Variants in MCF2L observed in about 807,000 individuals in gnomAD.
MCF2L encodes MCF.2 cell line derived transforming sequence like.
MCF2L carries 97 observed loss-of-function variants against 153.4 expected under a neutral mutation model. That is an observed-to-expected ratio of 0.63 (90% CI 0.54 to 0.75). The LOEUF (loss-of-function observed/expected upper bound fraction) is 0.75. MCF2L is among the 30% of genes least tolerant of loss of function. The pLI, the probability that MCF2L is intolerant of heterozygous loss-of-function variation, is 0.00. For missense variants in MCF2L, 1,347 were observed against 1,495.2 expected, an observed-to-expected ratio of 0.90 and a Z score of 1.64; for synonymous variants, 659 against 632.2, an observed-to-expected ratio of 1.04 and a Z score of -0.64.
chr13:112,984,427 G>T (rs1045459747), intron 1 of MCF2L, among the ~76,000 whole-genome samples: 1 of 152,094 alleles, frequency 6.6e-6, no homozygotes, highest in South Asian at 2.1e-4. Context: ...TAGTAGAGAT[G>T]GAGTTTCGCC....
chr13:113,057,750 G>A (rs1207807829), intron 4 of MCF2L, among the ~76,000 whole-genome samples: 2 of 143,994 alleles, frequency 1.4e-5, no homozygotes, highest in East Asian at 4.2e-4. Context: ...GTGCTGAGTG[G>A]GCACTGAGTG....
intron 3 of MCF2L, among the ~76,000 whole-genome samples, chr13:113,030,068 T>C (rs1329609238): frequency 6.6e-6 from 1 of 152,226 alleles, no homozygotes; most frequent in Non-Finnish European, 1.5e-5. Context: ...ACTATACTCA[T>C]CATTTTTGGA....
chr13:112,983,929 G>C lies in MCF2L; in HGVS notation c.79+14471G>C, dbSNP rs987726636. On this transcript the variant is annotated intron_variant, in intron 1 of 29. Coordinates refer to ENST00000535094, the MANE Select transcript of MCF2L (RefSeq NM_001112732.3). The surrounding 1 kb of genome is among the most constrained non-coding windows in gnomAD (Gnocchi z 4.0). ...GTGGACTTCCACTCACATGGAGGAG[G>C]AGCCTCCTCTGCCCGGAGGAGACGG... Among the ~76,000 whole-genome samples, 3 of 152,354 alleles carry C rather than the reference G, an allele frequency of 2.0e-5. No homozygotes were observed. The highest frequency in any genetic ancestry group is 1.5e-5 in the Non-Finnish European group (1 of 68,042).
Position 113,051,097 on chromosome 13 carries a change from C to CT in MCF2L, c.369+5737dup, listed in dbSNP as rs763473380. Among the ~76,000 whole-genome samples the CT allele has an allele frequency of 6.7e-4, 102 of 152,340 alleles. 1 individual carries two copies. The highest frequency in any genetic ancestry group is 2.0e-3 in the African/African-American group (84 of 41,578). On this transcript the variant is annotated intron_variant, in intron 4 of 29. Coordinates refer to ENST00000535094, the MANE Select transcript of MCF2L (RefSeq NM_001112732.3). ...CACCGCTGCTGTGTGCAGCAAGCAC[C>CT]TGCCCAGGTGAGCACAGTCCCCCCG...
chr13:112,933,487 C>T (rs55813133), intron 2 of MCF2L, among the ~76,000 whole-genome samples: 26,754 of 152,222 alleles, frequency 0.18, 2,375 homozygotes, highest in South Asian at 0.23. Context: ...GTGCTGGGAC[C>T]GTGCGCTGAT....
chr13:113,074,488 C>T lies in MCF2L; in HGVS notation c.1041C>T (p.Phe347=), dbSNP rs1242741135. Residue 347 remains phenylalanine, a synonymous_variant, in exon 10 of 30, where the codon TTC becomes TTT. Coordinates refer to ENST00000535094, the MANE Select transcript of MCF2L (RefSeq NM_001112732.3). The surrounding 1 kb of genome is among the most constrained non-coding windows in gnomAD (Gnocchi z 4.2). ...CAGCGTCCCAGAAGATAGCAACCTT[C>T]ACAGACATCGGCAACAGCCTGGCGC... ...LDAASQKIAT[F]TDIGNSLAHV... 7.8e-5 allele frequency: 126 copies of T among 1,614,124 alleles called. No individual in the cohort carries two copies. Among genetic ancestry groups the T allele is most frequent in the Non-Finnish European group, 1.1e-4 (124 of 1,180,022 alleles).
At chr13:112,944,427 A>G (rs1325545071) in intron 2 of MCF2L, among the ~76,000 whole-genome samples, 3 of 151,660 alleles carry the variant, frequency 2.0e-5, no homozygotes, top group African/African-American at 7.3e-5. Flanking sequence ...CTGGGTGAAC[A>G]CCTGGGTCTC....
chr13:113,005,368 G>C (rs2083618549), intron 1 of MCF2L, among the ~76,000 whole-genome samples: 1 of 152,210 alleles, frequency 6.6e-6, no homozygotes, highest in Admixed American at 6.5e-5. Flanking sequence ...GGAGATGCTG[G>C]CCGGAGGACA....
upstream of MCF2L, chr13:112,969,146 G>GCCGCTT: frequency 2.8e-6 from 1 of 354,448 alleles, no homozygotes; most frequent in Non-Finnish European, 4.3e-6. This position sits in a 1 kb window ranked among gnomAD's most constrained non-coding sequence, Gnocchi z 4.8. Flanking sequence ...GCGGGCGCGC[G>GCCGCTT]CCGCTTCCGC....
chr13:112,940,056 T>C (rs2081560005), intron 2 of MCF2L, among the ~76,000 whole-genome samples: 4 of 151,742 alleles, frequency 2.6e-5, no homozygotes, highest in Admixed American at 2.6e-4. Context: ...AGAGGCCTTC[T>C]TCAGGGCAGT....
intron 1 of MCF2L, among the ~76,000 whole-genome samples, chr13:112,987,311 C>CGTGCAGCCCCCGGTGGGGGGCAGGG (rs2082688006): frequency 6.6e-6 from 1 of 151,716 alleles, no homozygotes; most frequent in South Asian, 2.1e-4. Flanking sequence ...GCCTGGAGCA[C>CGTGCAGCCCCCGGTGGGGGGCAGGG]ACCTTGTGGA....
chr13:112,994,659 C>T (rs936254995), intron 1 of MCF2L, among the ~76,000 whole-genome samples: 3 of 152,208 alleles, frequency 2.0e-5, no homozygotes, highest in Admixed American at 6.5e-5. Flanking sequence ...GGTGAGGCCG[C>T]GCGATGTCCT....
intron 15 of MCF2L, 55 bp from the exon 16 acceptor site, chr13:113,081,158 C>T: frequency 7.0e-7 from 1 of 1,429,528 alleles, no homozygotes; most frequent in Non-Finnish European, 9.6e-7. Flanking sequence ...TGGAGCAGAC[C>T]ATTCCTGCTC....
At chr13:112,966,528 C>A (rs2140780000), upstream of MCF2L, among the ~76,000 whole-genome samples, 1 of 152,376 alleles carries the variant, frequency 6.6e-6, no homozygotes, top group South Asian at 2.1e-4. This position sits in a 1 kb window ranked among gnomAD's most constrained non-coding sequence, Gnocchi z 4.1. Context: ...TCTAACCTAG[C>A]ATTTGACCCA....
At chr13:112,987,845 C>T (rs757400815) in intron 1 of MCF2L, among the ~76,000 whole-genome samples, 4 of 152,208 alleles carry the variant, frequency 2.6e-5, no homozygotes, top group Admixed American at 6.5e-5. Flanking sequence ...TTGTCCCCCT[C>T]GTCACAGCGG....
chr13:112,984,366 C>T (rs891991121), intron 1 of MCF2L, among the ~76,000 whole-genome samples: 2 of 152,054 alleles, frequency 1.3e-5, no homozygotes, highest in Non-Finnish European at 2.9e-5. Flanking sequence ...TCCCGAGTAG[C>T]TGGAATTACG....
At chr13:113,016,717 C>T (rs558168607) in intron 2 of MCF2L, among the ~76,000 whole-genome samples, 90 of 152,270 alleles carry the variant, frequency 5.9e-4, no homozygotes, top group Non-Finnish European at 9.1e-4. Context: ...TTTGCACAGC[C>T]GGCCCTCTCC....
intron 1 of MCF2L, among the ~76,000 whole-genome samples, chr13:112,976,103 G>A (rs75122877): frequency 0.011 from 1,708 of 151,736 alleles, 37 homozygotes; most frequent in African/African-American, 0.04. Flanking sequence ...GGATTGCCTG[G>A]CATTTGCCTC....
Position 112,943,714 on chromosome 13 carries a change from C to T in MCF2L, c.169+41343C>T, listed in dbSNP as rs1382511688. On this transcript the variant is annotated intron_variant, in intron 2 of 29. Coordinates refer to the MCF2L transcript ENST00000375608. This position sits in a 1 kb window ranked among gnomAD's most constrained non-coding sequence, Gnocchi z 4.2. ...TTCCCTCCTGGAGGGACCACACCGC[C>T]GGGAGCCCGAGCAGCCTGCGGTGGC... 6.6e-6 allele frequency among the ~76,000 whole-genome samples: 1 copy of T among 152,038 alleles called. No individual in the cohort carries two copies. Among genetic ancestry groups the T allele is most frequent in the Non-Finnish European group, 1.5e-5 (1 of 67,982 alleles).
Sources: gnomAD v4.1 joint callset for allele counts (sites outside exome capture counted in the v4.1 genomes callset) on GRCh38, gnomAD v4.1.1 for gene constraint, Gnocchi (gnomAD v3.1) non-coding constraint, MANE v1.5 for transcripts, NCBI Gene and HGNC (gene_info 2026-07-23, HGNC 2026-07-21) for gene names.